SEMA4B: variants seen among roughly 807,000 people sequenced by gnomAD.
SEMA4B encodes semaphorin 4B, also known as semaphorin-4B.
A neutral mutation model predicts 88.1 loss-of-function variants in SEMA4B; 55 were observed. The observed-to-expected ratio is 0.62, with a 90% confidence interval of 0.50 to 0.78. SEMA4B has a LOEUF of 0.78. SEMA4B is among the 30% of genes least tolerant of loss of function. SEMA4B has a pLI of 0.00. For missense variants in SEMA4B, 1,062 were observed against 1,111.9 expected (o/e 0.96, Z 0.64); for synonymous variants, 525 against 473.6 (o/e 1.11, Z -1.41).
At chr15:90,211,845 G>A (rs1043058779) in intron 1 of SEMA4B, among the ~76,000 whole-genome samples, 1 of 152,160 alleles carries the variant, frequency 6.6e-6, no homozygotes, top group Non-Finnish European at 1.5e-5. Flanking sequence ...AGGGAAGCTG[G>A]TGTTTTCTGG....
At chr15:90,187,800 A>G (rs1186559718) in intron 1 of SEMA4B, among the ~76,000 whole-genome samples, 1 of 152,004 alleles carries the variant, frequency 6.6e-6, no homozygotes, top group Non-Finnish European at 1.5e-5. Flanking sequence ...AGGTCAGGAG[A>G]TTGAGACCAG....
At chr15:90,223,008 T>G (rs1349970421) in intron 7 of SEMA4B, among the ~76,000 whole-genome samples, 1 of 149,826 alleles carries the variant, frequency 6.7e-6, no homozygotes, top group African/African-American at 2.5e-5. Flanking sequence ...TCTCACTTTG[T>G]CATCCAGGCT....
At chr15:90,223,508 C>T (rs992811426) in intron 7 of SEMA4B, 51 bp from the exon 8 acceptor site, 212 of 1,489,710 alleles carry the variant, frequency 1.4e-4, no homozygotes, top group East Asian at 2.1e-4. Context: ...CGTGCATCCC[C>T]GTCATGGCTC....
rs567991968 is a variant in SEMA4B, at chr15:90,201,672, C to G, written c.94C>G (p.Leu32Val). 3.3e-6 allele frequency: 5 copies of G among 1,515,312 alleles called. No homozygotes were observed. The highest frequency in any genetic ancestry group is 4.0e-5 in the Admixed American group (2 of 49,672). The allele number at this position is 1,515,312 out of a possible 1,614,324, so 93.9% of individuals were successfully genotyped here. The change falls in exon 1 of 14, where the codon CTG (leucine) becomes GTG (valine). Residue 32 changes from leucine (L) to valine (V), a missense_variant. Coordinates refer to ENST00000411539, the MANE Select transcript of SEMA4B (RefSeq NM_198925.4). ...RPPLLLLLLL[L>V]LLLQPPPPTW... ...ACCGCTGCTGCTGCTCCTGCTGCTG[C>G]TGCTCCTGCTGCAGCCGCCGCCTCC...
At chr15:90,193,075 C>T (rs768987764) in intron 1 of SEMA4B, 2 of 152,440 alleles carry the variant, frequency 1.3e-5, no homozygotes, top group Admixed American at 6.5e-5. Flanking sequence ...GGCCAAGGCA[C>T]GGAGGAAGCA....
chr15:90,198,822 A>C (rs896249348), upstream of SEMA4B, among the ~76,000 whole-genome samples: 1 of 151,830 alleles, frequency 6.6e-6, no homozygotes, highest in South Asian at 2.1e-4. Flanking sequence ...AGATGGGGGA[A>C]CCCTTGGAGG....
At chr15:90,213,578 C>T (rs925542751) in intron 1 of SEMA4B, among the ~76,000 whole-genome samples, 1 of 152,222 alleles carries the variant, frequency 6.6e-6, no homozygotes, top group East Asian at 1.9e-4. Context: ...AGGCAGGTTT[C>T]CACCCCTTCT....
upstream of SEMA4B, among the ~76,000 whole-genome samples, chr15:90,197,586 C>T (rs1317603371): frequency 1.3e-5 from 2 of 151,516 alleles, no homozygotes; most frequent in Non-Finnish European, 1.5e-5. Context: ...TACAGGCGCC[C>T]GCCACCACGC....
intron 7 of SEMA4B, among the ~76,000 whole-genome samples, chr15:90,222,971 T>TATATACACA (rs3029968): frequency 2.4e-5 from 3 of 123,636 alleles, no homozygotes; most frequent in African/African-American, 7.2e-5. Context: ...TATATATACA[T>TATATACACA]TTTTTTTTTT....
intron 1 of SEMA4B, among the ~76,000 whole-genome samples, chr15:90,215,151 T>G (rs994406185): frequency 6.6e-6 from 1 of 152,126 alleles, no homozygotes; most frequent in African/African-American, 2.4e-5. Context: ...ATTTTAAAAA[T>G]AATTTCTCTC....
intron 9 of SEMA4B, among the ~76,000 whole-genome samples, chr15:90,224,710 C>T (rs897816913): frequency 6.6e-6 from 1 of 152,184 alleles, no homozygotes; most frequent in African/African-American, 2.4e-5. Context: ...CTTGAGGCCC[C>T]TGGGCATATG....
rs1961291965 is a variant in SEMA4B at position 90,212,001 on chromosome 15, G to C, written c.158-5438G>C. Among the ~76,000 whole-genome samples, 1 of 152,108 alleles carries C rather than the reference G, an allele frequency of 6.6e-6. No individual in the cohort carries two copies. The highest frequency in any genetic ancestry group is 1.5e-5 in the Non-Finnish European group (1 of 68,000). On this transcript the variant is annotated intron_variant, in intron 1 of 13. Coordinates refer to ENST00000411539, the MANE Select transcript of SEMA4B (RefSeq NM_198925.4). This position sits in a 1 kb window ranked among gnomAD's most constrained non-coding sequence, Gnocchi z 4.0. The stretch of plus-strand genomic sequence containing the variant: ...CAGCTAGCTGGCTGGCCTGGGGTGG[G>C]GACTAACCAGGGTGGGGATGGTGCT...
chr15:90,185,095 G>T, intron 1 of SEMA4B: 10 of 982,340 alleles, frequency 1.0e-5, no homozygotes, highest in Non-Finnish European at 1.2e-5. Flanking sequence ...GGCGCGGGGG[G>T]TGCCTGGCGA....
At position 90,229,196 on chromosome 15, in the gene SEMA4B, CCGT is replaced by C; in HGVS notation, c.*558_*560del. On this transcript the variant is annotated 3_prime_UTR_variant, in exon 14 of 14. Coordinates refer to ENST00000411539, the MANE Select transcript of SEMA4B (RefSeq NM_198925.4). Reference sequence around the variant, plus strand: ...TCAGCCGAGGATGTAGTTGTTGCTGCCGTCGTCCCACCACCTCAGGGACCAGAG... The same window carrying C: ...TCAGCCGAGGATGTAGTTGTTGCTGCCGTCCCACCACCTCAGGGACCAGAG... 1 of 405,560 alleles carries C rather than the reference CCGT, an allele frequency of 2.5e-6. No homozygotes were observed. The highest frequency in any genetic ancestry group is 1.7e-5 in the South Asian group (1 of 57,604). 25.1% of individuals were successfully genotyped at this position (405,560 alleles called of 1,614,324 possible).
intron 1 of SEMA4B, among the ~76,000 whole-genome samples, chr15:90,210,157 C>T (rs1420310779): frequency 6.6e-6 from 1 of 152,114 alleles, no homozygotes; most frequent in Non-Finnish European, 1.5e-5. Context: ...ATAGACTGGA[C>T]TTCTGAGGAA....
chr15:90,226,504 C>T (rs756940778), intron 12 of SEMA4B, among the ~76,000 whole-genome samples: 4 of 152,134 alleles, frequency 2.6e-5, no homozygotes, highest in Admixed American at 6.5e-5. Flanking sequence ...CCATGCCCAG[C>T]TAATTTTTGT....
Position 90,223,544 on chromosome 15 carries a change from C to T in SEMA4B, c.862-15C>T, listed in dbSNP as rs551834193. The T allele has an allele frequency of 2.1e-5, 33 of 1,560,196 alleles. No individual in the cohort carries two copies. Among genetic ancestry groups the T allele is most frequent in the South Asian group, 2.0e-4 (17 of 83,626 alleles). On this transcript the variant is annotated splice_polypyrimidine_tract_variant and intron_variant, in intron 7 of 13. Coordinates refer to ENST00000411539, the MANE Select transcript of SEMA4B (RefSeq NM_198925.4). ...AGCATGTGCCTAAGCCCAGCCCATC[C>T]GACTCTCCCTCCAGGGCGATGAGGG...
At position 90,201,568 on chromosome 15, in the gene SEMA4B, C is replaced by T; in HGVS notation, c.-11C>T. The T allele has an allele frequency of 1.3e-6, 2 of 1,484,024 alleles. No individual in the cohort carries two copies. Among genetic ancestry groups the T allele is most frequent in the Non-Finnish European group, 1.8e-6 (2 of 1,123,992 alleles). The allele number at this position is 1,484,024 out of a possible 1,614,324, so 91.9% of individuals were successfully genotyped here. A position where few individuals can be genotyped will look rare whatever the true frequency, so the allele number is the denominator to read the frequency against. ...CCCGAGCCGCGGGACACCGTCGCTC[C>T]TGCTCTCCGAATGCTGCGCACCGCG... On this transcript the variant is annotated 5_prime_UTR_variant, in exon 1 of 14. Coordinates refer to ENST00000411539, the MANE Select transcript of SEMA4B (RefSeq NM_198925.4).
chr15:90,209,316 C>T (rs1012228367), intron 1 of SEMA4B, among the ~76,000 whole-genome samples: 7 of 151,900 alleles, frequency 4.6e-5, no homozygotes, highest in East Asian at 3.9e-4. Context: ...TTTGGGAGGC[C>T]GAGGCAGGCG....
Sources: gnomAD v4.1 joint callset for allele counts (sites outside exome capture counted in the v4.1 genomes callset) on GRCh38, gnomAD v4.1.1 for gene constraint, Gnocchi (gnomAD v3.1) non-coding constraint, MANE v1.5 for transcripts, NCBI Gene and HGNC (gene_info 2026-07-23, HGNC 2026-07-21) for gene names.